FGA: variants seen among roughly 807,000 people sequenced by gnomAD.
FGA encodes fibrinogen alpha chain, also known as fibrinogen, A alpha polypeptide.
In FGA, 20 loss-of-function variants were observed where a neutral mutation model predicts 20.3. The ratio of observed to expected loss-of-function variants is 0.99; its 90% CI spans 0.69 to 1.43. The LOEUF is 1.43. Among genes scored for constraint, FGA ranks in the 40% most tolerant of loss-of-function variants. The pLI, the probability that FGA is intolerant of heterozygous loss-of-function variation, is 0.00. For missense variants in FGA, 777 were observed against 784.7 expected (o/e 0.99, Z 0.12); for synonymous variants, 306 against 281.6 (o/e 1.09, Z -0.87).
chr4:154,586,297 A>G lies in FGA; in HGVS notation c.1132T>C (p.Ser378Pro). The change falls in exon 5 of 5, where the codon TCT (serine) becomes CCT (proline). Residue 378 changes from serine to proline, a missense_variant. Physicochemically the swap from Ser to Pro is moderately conservative, Grantham distance 74. Transcript: ENST00000403106. ...CATTGTCCAGTACTACCAGATACAG[A>G]GCTCTCAGAGGTCCAGTGCCCAGCA... is the stretch of plus-strand genomic sequence containing the variant. ...GSAGHWTSES[S>P]VSGSTGQWHS... 2 of 1,614,168 alleles carry G rather than the reference A, an allele frequency of 1.2e-6. No individual in the cohort carries two copies. The highest frequency in any genetic ancestry group is 1.3e-5 in the African/African-American group (1 of 75,038).
chr4:154,584,676 C>A, downstream of FGA: 1 of 1,614,142 alleles, frequency 6.2e-7, no homozygotes, highest in Non-Finnish European at 8.5e-7. Flanking sequence ...GGTTAAAATT[C>A]AGTGATCCAT....
Position 154,585,836 on chromosome 4 carries a change from A to C in FGA, c.1593T>G (p.Gly531=). ...ACTCTCCTAACATAGGTGAGAAGAA[A>C]CCTGGGAATGTTTTTCCAGTTGAGG... The part of the protein sequence containing the change: ...DTASTGKTFP[G]FFSPMLGEFV... Residue 531 remains glycine, a synonymous_variant, in exon 5 of 5, where the codon GGT becomes GGG. Transcript: ENST00000403106. 1 of 1,614,090 alleles carries C rather than the reference A, an allele frequency of 6.2e-7. No individual in the cohort carries two copies. Among genetic ancestry groups the C allele is most frequent in the Non-Finnish European group, 8.5e-7 (1 of 1,180,004 alleles).
chr4:154,589,653 A>G, intron 1 of FGA, 91 bp from the exon 2 acceptor site: 1 of 1,392,032 alleles, frequency 7.2e-7, no homozygotes, highest in Middle Eastern at 1.8e-4. Context: ...CCCCAGGAAG[A>G]GATGGCACTC....
rs935890399 is a variant in FGA at position 154,585,560 on chromosome 4, A to T, written c.1869T>A (p.His623Gln). ...TACCTCTGACAGGGCGAGATTTAGC[A>T]TGGCCTCTCTTGGTGCTATGTGTTC... The part of the protein sequence containing the change: ...HEGTHSTKRG[H>Q]AKSRPVRGIH... The change falls in exon 5 of 5, where the codon CAT becomes CAA. Residue 623 changes from histidine (H) to glutamine (Q), a missense_variant. Transcript: ENST00000403106. 2.0e-5 allele frequency: 33 copies of T among 1,614,150 alleles called. No homozygotes were observed. The highest frequency in any genetic ancestry group is 2.8e-5 in the Non-Finnish European group (33 of 1,179,990).
chr4:154,584,032 G>T (rs993797055), downstream of FGA: 3 of 1,001,182 alleles, frequency 3.0e-6, no homozygotes, highest in East Asian at 7.5e-5. Flanking sequence ...AATTTTTTAG[G>T]TTGTAGAGAA....
At chr4:154,588,305 G>A (rs1314300305) in intron 3 of FGA, among the ~76,000 whole-genome samples, 9 of 152,178 alleles carry the variant, frequency 5.9e-5, no homozygotes, top group Admixed American at 5.2e-4. Flanking sequence ...TGAATGCAAT[G>A]TTTCCTAACC....
At chr4:154,587,085 G>T (rs1730746807) in intron 4 of FGA, among the ~76,000 whole-genome samples, 167 bp from the exon 5 acceptor site, 1 of 152,220 alleles carries the variant, frequency 6.6e-6, no homozygotes, top group Non-Finnish European at 1.5e-5. Context: ...AGCACCCTCA[G>T]TGGAAGAGAT....
At chr4:154,587,132 A>G (rs567496155) in intron 4 of FGA, among the ~76,000 whole-genome samples, 1 of 152,286 alleles carries the variant, frequency 6.6e-6, no homozygotes, top group East Asian at 1.9e-4. Flanking sequence ...TAAGCAATGG[A>G]TGCTGTTTAA....
At position 154,586,517 on chromosome 4, in the gene FGA, A is replaced by G. The variant is rs1322524073; in HGVS notation, c.912T>C (p.Ser304=). The change falls in exon 5 of 5, where the codon AGT becomes AGC. Residue 304 remains serine (S), a synonymous_variant. Transcript: ENST00000403106. The part of the protein sequence containing the change: ...SWNSGSSGPG[S]TGNRNPGSSG... ...AGCTCCCAGGGTTTCGGTTTCCAGT[A>G]CTTCCAGGTCCAGAGCTCCCAGAGT... is the stretch of plus-strand genomic sequence containing the variant. 6.2e-7 allele frequency: 1 copy of G among 1,613,678 alleles called. No individual in the cohort carries two copies. The highest frequency in any genetic ancestry group is 8.5e-7 in the Non-Finnish European group (1 of 1,179,958).
chr4:154,584,097 G>GAGTGCTCCCATTCCCACTTCGAAGACAT, downstream of FGA: 3 of 1,552,004 alleles, frequency 1.9e-6, no homozygotes, highest in Non-Finnish European at 2.7e-6. Flanking sequence ...AAAGAAGACA[G>GAGTGCTCCCATTCCCACTTCGAAGACAT]AGTGCTCCCA....
chr4:154,587,746 A>AGAAAGAAAGAAAGAAAGAAAGAAAGAAG (rs1730765934), intron 3 of FGA, 89 bp from the exon 4 acceptor site: 1 of 166,576 alleles, frequency 6.0e-6, no homozygotes, highest in African/African-American at 9.8e-5. Flanking sequence ...GGAAGGAAGG[A>AGAAAGAAAGAAAGAAAGAAAGAAAGAAG]GAAAGAAAGA....
downstream of FGA, chr4:154,584,540 C>G (rs61731299): frequency 2.0e-4 from 330 of 1,614,176 alleles, 2 homozygotes; most frequent in African/African-American, 4.0e-3. Context: ...GCCCAGTCCT[C>G]TAATTCAACC....
At chr4:154,587,807 A>C in intron 3 of FGA, 150 bp from the exon 4 acceptor site, 1 of 593,574 alleles carries the variant, frequency 1.7e-6, no homozygotes, top group Non-Finnish European at 2.7e-6. Context: ...AAGAAAGAGA[A>C]AAAAGAAAGA....
In FGA at chr4:154,587,504, ATACT is replaced by A. The variant is rs1423659806; in HGVS notation, c.510+4_510+7del. 3 of 1,613,626 alleles carry A rather than the reference ATACT, an allele frequency of 1.9e-6. No homozygotes were observed. The highest frequency in any genetic ancestry group is 2.5e-6 in the Non-Finnish European group (3 of 1,179,768). ...CAAGGACATCTGGGACCACAGCCACATACTTACCTCCAGTCGTTTCATATCAACC... is the reference window on the plus strand; with the variant it reads ...CAAGGACATCTGGGACCACAGCCACATACCTCCAGTCGTTTCATATCAACC... On this transcript the variant is annotated splice_donor_5th_base_variant and intron_variant, in intron 4 of 4. Coordinates refer to ENST00000403106, the MANE Select transcript of FGA (RefSeq NM_021871.4).
In FGA at chr4:154,590,704, G is replaced by A; in HGVS notation, c.-17C>T. On this transcript the variant is annotated 5_prime_UTR_variant, in exon 1 of 5. Transcript: ENST00000403106. ...GGAAAACATCTTTTCTAAGGGTGGG[G>A]CTGGCTCCTGAGGAGCACTCCAGCT... 1 of 1,551,020 alleles carries A rather than the reference G, an allele frequency of 6.4e-7. No individual in the cohort carries two copies. The highest frequency in any genetic ancestry group is 1.2e-5 in the South Asian group (1 of 84,108).
rs915068844 is a variant in FGA at position 154,588,730 on chromosome 4, T to C, written c.364+63A>G. 27 of 1,164,060 alleles carry C rather than the reference T, an allele frequency of 2.3e-5. No individual in the cohort carries two copies. The Admixed American group carries it at 3.6e-4, about 15-fold the overall frequency. 72.1% of individuals were successfully genotyped at this position (1,164,060 alleles called of 1,614,324 possible). On this transcript the variant is annotated intron_variant, in intron 3 of 4. Transcript: ENST00000403106. ...TTGTCATAGATATAAGCGGATATCA[T>C]ATTTATTTAGGATTTTTGTTGTTTC... is the stretch of plus-strand genomic sequence containing the variant.
intron 4 of FGA, among the ~76,000 whole-genome samples, chr4:154,587,172 T>G (rs1361415383): frequency 1.3e-5 from 2 of 152,020 alleles, no homozygotes; most frequent in African/African-American, 4.8e-5. Context: ...GGATCAAGAG[T>G]AAGGTGCTAT....
downstream of FGA, chr4:154,584,800 C>T: frequency 1.2e-6 from 2 of 1,613,638 alleles, no homozygotes; most frequent in Non-Finnish European, 1.7e-6. Flanking sequence ...ACTTTGGGTA[C>T]CTGAAGGATG....
At chr4:154,587,785 A>AAGAAAGAC in intron 3 of FGA, 128 bp from the exon 4 acceptor site, 1 of 724,600 alleles carries the variant, frequency 1.4e-6, no homozygotes, top group Non-Finnish European at 2.3e-6. Context: ...GAAAGAAAGA[A>AAGAAAGAC]AGAAAGAAAG....
Sources: gnomAD v4.1 joint callset for allele counts (sites outside exome capture counted in the v4.1 genomes callset) on GRCh38, gnomAD v4.1.1 for gene constraint, MANE v1.5 for transcripts, NCBI Gene and HGNC (gene_info 2026-07-23, HGNC 2026-07-21) for gene names.